EPB41L4B: variants seen among roughly 807,000 people sequenced by gnomAD.
EPB41L4B encodes the protein erythrocyte membrane protein band 4.1 like 4B, also known as band 4.1-like protein 4B.
A neutral mutation model predicts 112.5 loss-of-function variants in EPB41L4B; 30 were observed. The observed-to-expected ratio is 0.27, with a 90% CI of 0.20 to 0.36. The LOEUF is 0.36. EPB41L4B is among the 10% of genes least tolerant of loss of function. The pLI is 1.00. For synonymous variants in EPB41L4B, 408 were observed against 439.7 expected (o/e 0.93, Z 0.90); for missense variants, 1,024 against 1,133.3 (o/e 0.90, Z 1.38).
rs530673683 is a variant in EPB41L4B at position 109,290,782 on chromosome 9, A to C, written c.307-10861T>G. ...CACACACACACACACACACACACAC[A>C]CCCCCCACCAAGTGGCCCAGGAATT... is the stretch of plus-strand genomic sequence containing the variant. On this transcript the variant is annotated intron_variant, in intron 1 of 25. Transcript: ENST00000374566. Among the ~76,000 whole-genome samples the C allele has an allele frequency of 2.1e-3, 300 of 142,906 alleles. 2 individuals are homozygous for C. Among genetic ancestry groups the C allele is most frequent in the African/African-American group, 2.9e-3 (113 of 38,852 alleles). The allele number at this position is 142,906 out of a possible 152,430, so 93.8% of individuals were successfully genotyped here.
intron 18 of EPB41L4B, among the ~76,000 whole-genome samples, chr9:109,207,094 A>G (rs1477267115): frequency 1.3e-5 from 2 of 152,236 alleles, no homozygotes; most frequent in Admixed American, 1.3e-4. Flanking sequence ...CGCCAGGCAC[A>G]GTGGCCCCTG....
At chr9:109,308,883 G>T (rs1837315872) in intron 1 of EPB41L4B, among the ~76,000 whole-genome samples, 1 of 152,132 alleles carries the variant, frequency 6.6e-6, no homozygotes, top group African/African-American at 2.4e-5. Context: ...ATCAAGACCA[G>T]CCTGGCCAAC....
At chr9:109,256,849 G>A (rs938261041) in intron 7 of EPB41L4B, among the ~76,000 whole-genome samples, 1 of 152,176 alleles carries the variant, frequency 6.6e-6, no homozygotes, top group South Asian at 2.1e-4. Flanking sequence ...GGCTGAGGAA[G>A]GAGAATCACT....
At chr9:109,181,495 G>T (rs146638212) in intron 24 of EPB41L4B, among the ~76,000 whole-genome samples, 1 of 152,272 alleles carries the variant, frequency 6.6e-6, no homozygotes, top group East Asian at 1.9e-4. Context: ...TTTGATCCTT[G>T]CCCCAACAGG....
At chr9:109,194,811 C>T (rs966268447) in intron 20 of EPB41L4B, among the ~76,000 whole-genome samples, 2 of 152,126 alleles carry the variant, frequency 1.3e-5, no homozygotes, top group African/African-American at 4.8e-5. Context: ...TCCCTGCAGC[C>T]TCTGGTAACA....
chr9:109,185,645 C>G (rs754657008), intron 22 of EPB41L4B, 40 bp from the exon 23 acceptor site: 24 of 1,485,474 alleles, frequency 1.6e-5, no homozygotes, highest in Non-Finnish European at 2.1e-5. Flanking sequence ...GAGGAGGTGG[C>G]AAGAGAAGGG....
intron 1 of EPB41L4B, among the ~76,000 whole-genome samples, chr9:109,301,795 C>G (rs1289411548): frequency 6.6e-6 from 1 of 152,210 alleles, no homozygotes; most frequent in African/African-American, 2.4e-5. Flanking sequence ...AACTGATACT[C>G]AGGTGGCTAA....
At chr9:109,307,917 C>T (rs1023694064) in intron 1 of EPB41L4B, among the ~76,000 whole-genome samples, 1 of 152,180 alleles carries the variant, frequency 6.6e-6, no homozygotes, top group African/African-American at 2.4e-5. Flanking sequence ...ACACTTGTTA[C>T]ACCCTTGTTA....
At chr9:109,311,240 T>G (rs887240536) in intron 1 of EPB41L4B, among the ~76,000 whole-genome samples, 3 of 151,986 alleles carry the variant, frequency 2.0e-5, no homozygotes, top group Non-Finnish European at 4.4e-5. Context: ...AAATTCATAA[T>G]TCAGGGTAGG....
chr9:109,202,096 GA>G (rs1383715072), intron 19 of EPB41L4B, among the ~76,000 whole-genome samples: 7 of 152,122 alleles, frequency 4.6e-5, no homozygotes, highest in African/African-American at 1.7e-4. Flanking sequence ...TTAGATGAGG[GA>G]ATAAGGTAGG....
intron 15 of EPB41L4B, among the ~76,000 whole-genome samples, chr9:109,222,826 G>A (rs1021705107): frequency 3.3e-5 from 5 of 152,132 alleles, no homozygotes; most frequent in Admixed American, 3.3e-4. Flanking sequence ...GGAAGCTGCT[G>A]GTGCCCCCTT....
intron 20 of EPB41L4B, among the ~76,000 whole-genome samples, chr9:109,195,308 C>T (rs924059779): frequency 6.6e-6 from 1 of 152,196 alleles, no homozygotes; most frequent in African/African-American, 2.4e-5. Context: ...CTGGTAAGGC[C>T]TCAGCCCAGC....
At chr9:109,183,349 A>T (rs1458828420) in intron 23 of EPB41L4B, among the ~76,000 whole-genome samples, 1 of 152,178 alleles carries the variant, frequency 6.6e-6, no homozygotes. Flanking sequence ...CAGTAGAGGG[A>T]GACCTCAGGG....
intron 1 of EPB41L4B, among the ~76,000 whole-genome samples, chr9:109,317,253 G>T (rs751618702): frequency 6.6e-6 from 1 of 152,106 alleles, no homozygotes; most frequent in East Asian, 1.9e-4. Context: ...CTTTGCCAAG[G>T]GACACTGGAT....
In EPB41L4B at chr9:109,241,895, T is replaced by C. The variant is rs1478325667; in HGVS notation, c.1409+1723A>G. The C allele has an allele frequency of 2.9e-6, 4 of 1,379,920 alleles. No individual in the cohort carries two copies. The East Asian group carries it at 6.9e-5, about 24-fold the overall frequency. 85.5% of individuals were successfully genotyped at this position (1,379,920 alleles called of 1,614,324 possible). Reference sequence around the variant, plus strand: ...TGAAACAACACAAGCACAAAGGAAATGGGGCAGGGGGAACCATGAGCCATG... The same window carrying C: ...TGAAACAACACAAGCACAAAGGAAACGGGGCAGGGGGAACCATGAGCCATG... On this transcript the variant is annotated intron_variant, in intron 15 of 25. Coordinates refer to ENST00000374566, the MANE Select transcript of EPB41L4B (RefSeq NM_019114.5).
At chr9:109,263,167 T>C (rs1835279361) in intron 5 of EPB41L4B, 65 bp from the exon 6 acceptor site, 2 of 1,053,216 alleles carry the variant, frequency 1.9e-6, no homozygotes, top group Non-Finnish European at 1.4e-6. Context: ...CAAAATGTCA[T>C]TAAAATCATT....
At chr9:109,208,563 C>T (rs1833059025) in intron 17 of EPB41L4B, among the ~76,000 whole-genome samples, 1 of 152,176 alleles carries the variant, frequency 6.6e-6, no homozygotes, top group Admixed American at 6.5e-5. Flanking sequence ...CAGTAATTTG[C>T]ATGACCTTTA....
At chr9:109,247,325 G>A (rs1412736189) in intron 14 of EPB41L4B, among the ~76,000 whole-genome samples, 1 of 152,142 alleles carries the variant, frequency 6.6e-6, no homozygotes, top group African/African-American at 2.4e-5. Flanking sequence ...AATCCAAGAA[G>A]GGGAATGAAA....
intron 13 of EPB41L4B, 135 bp from the exon 14 acceptor site, chr9:109,247,924 C>CT (rs939259888): frequency 1.4e-4 from 81 of 584,192 alleles, no homozygotes; most frequent in African/African-American, 7.0e-4. Context: ...CACATAATGA[C>CT]TTTTTTTTGG....
Sources: allele counts gnomAD v4.1 joint callset (sites outside exome capture counted in the v4.1 genomes callset), GRCh38; gene constraint gnomAD v4.1.1; transcripts MANE v1.5; gene names NCBI Gene and HGNC (gene_info 2026-07-23, HGNC 2026-07-21).